Variants in SYNE2 observed in about 807,000 individuals in gnomAD.
SYNE2 encodes spectrin repeat containing nuclear envelope protein 2, also known as nesprin-2.
In SYNE2, 431 loss-of-function variants were observed where a neutral mutation model predicts 856.3. That is an observed-to-expected ratio of 0.50 (90% confidence interval 0.47 to 0.55). SYNE2 has a LOEUF of 0.55. Ranked by LOEUF, SYNE2 falls within the 20% of genes least tolerant of loss-of-function variation. SYNE2 has a pLI of 0.00. For synonymous variants in SYNE2, 2,923 were observed against 2,872.3 expected, an observed-to-expected ratio of 1.02 and a Z score of -0.56; for missense variants, 8,129 against 8,023.2, an observed-to-expected ratio of 1.01 and a Z score of -0.50.
chr14:63,855,007 A>T (rs920686370), intron 1 of SYNE2, among the ~76,000 whole-genome samples: 3 of 152,216 alleles, frequency 2.0e-5, no homozygotes, highest in African/African-American at 4.8e-5. Flanking sequence ...AAAGTTATTT[A>T]TTCATTTACT....
intron 14 of SYNE2, among the ~76,000 whole-genome samples, chr14:63,979,720 C>T (rs1357721215): frequency 3.3e-5 from 5 of 152,074 alleles, no homozygotes; most frequent in Admixed American, 1.3e-4. Flanking sequence ...CGAGACATGG[C>T]GAAACCCTGT....
chr14:63,884,683 C>T (rs932772783), intron 1 of SYNE2, among the ~76,000 whole-genome samples: 13 of 152,020 alleles, frequency 8.6e-5, no homozygotes, highest in African/African-American at 1.7e-4. Flanking sequence ...AGGAGAGCTT[C>T]GATTCTTTGG....
chr14:63,800,052 AAAAC>A (rs368985029), intron 1 of SYNE2, among the ~76,000 whole-genome samples: 44 of 152,272 alleles, frequency 2.9e-4, no homozygotes, highest in African/African-American at 7.5e-4. Flanking sequence ...CTCTAGTTAA[AAAAC>A]AAACAAACAA....
At chr14:63,835,722 GC>G (rs918438867) in intron 1 of SYNE2, among the ~76,000 whole-genome samples, 1 of 151,900 alleles carries the variant, frequency 6.6e-6, no homozygotes, top group African/African-American at 2.4e-5. Context: ...GGTGGCTAAC[GC>G]CTGTAATCCC....
chr14:63,926,167 C>T (rs962084971), intron 2 of SYNE2, among the ~76,000 whole-genome samples: 5 of 151,862 alleles, frequency 3.3e-5, no homozygotes, highest in African/African-American at 1.2e-4. Flanking sequence ...ATTTTTGTCA[C>T]CCCAAAAAGA....
intron 106 of SYNE2, among the ~76,000 whole-genome samples, chr14:64,214,705 G>A (rs575840473): frequency 6.6e-6 from 1 of 152,230 alleles, no homozygotes; most frequent in East Asian, 1.9e-4. Context: ...AGACACTAAG[G>A]TTACTCAGTG....
chr14:63,777,701 C>A (rs1887160795), intron 1 of SYNE2, among the ~76,000 whole-genome samples: 1 of 152,154 alleles, frequency 6.6e-6, no homozygotes, highest in Non-Finnish European at 1.5e-5. Context: ...CAGGGTCTCG[C>A]TCTGTCACCC....
intron 11 of SYNE2, 47 bp from the exon 12 acceptor site, chr14:63,976,516 A>T: frequency 6.3e-7 from 1 of 1,589,098 alleles, no homozygotes; most frequent in South Asian, 1.1e-5. Flanking sequence ...AATAAACTAG[A>T]AAAGTTCTAC....
chr14:64,215,562 C>T, intron 107 of SYNE2: 1 of 631,648 alleles, frequency 1.6e-6, no homozygotes, highest in Non-Finnish European at 2.8e-6. Context: ...CGTCTCGATG[C>T]CAACCCCCTC....
At position 63,825,901 on chromosome 14, in the gene SYNE2, T is replaced by A. The variant is rs369824274; in HGVS notation, c.-304-26600T>A. On this transcript the variant is annotated intron_variant, in intron 1 of 23. Transcript: ENST00000674003. ...AAAAAGAGAAAGAAATGTAAAGACCTAAGTAAATGAAAAGATAGCCCATAC... is the reference window on the plus strand; with the variant it reads ...AAAAAGAGAAAGAAATGTAAAGACCAAAGTAAATGAAAAGATAGCCCATAC... 1.1e-4 allele frequency among the ~76,000 whole-genome samples: 17 copies of A among 152,116 alleles called. 1 individual carries two copies. The South Asian group carries it at 3.5e-3, about 32-fold the overall frequency.
chr14:63,888,157 G>C (rs968215420), intron 1 of SYNE2, among the ~76,000 whole-genome samples: 1 of 152,174 alleles, frequency 6.6e-6, no homozygotes, highest in Non-Finnish European at 1.5e-5. Context: ...TAGGGACCAA[G>C]TATGTTCAGT....
At chr14:64,190,571 A>G (rs1163087247) in intron 99 of SYNE2, 1 of 700,756 alleles carries the variant, frequency 1.4e-6, no homozygotes, top group African/African-American at 1.7e-5. Context: ...GTGTCCCCAC[A>G]GTGGAGCCAT....
At chr14:64,165,054 A>T (rs2098365197) in intron 89 of SYNE2, among the ~76,000 whole-genome samples, 1 of 151,614 alleles carries the variant, frequency 6.6e-6, no homozygotes, top group African/African-American at 2.4e-5. Flanking sequence ...TGCCCAGCTA[A>T]TTTTTTATTT....
rs561896686 is a variant in SYNE2 at position 63,945,882 on chromosome 14, C to T, written c.408+3739C>T. ...TTTAGCTGCTATGAGTAAAGCTGCT[C>T]AGAACGTTCTTGTATATACCTTGTA... On this transcript the variant is annotated intron_variant, in intron 6 of 115. Coordinates refer to ENST00000555002, the MANE Select transcript of SYNE2 (RefSeq NM_182914.3). Among the ~76,000 whole-genome samples, 6 of 152,288 alleles carry T rather than the reference C, an allele frequency of 3.9e-5. No homozygotes were observed. The South Asian group carries it at 1.2e-3, about 32-fold the overall frequency.
Position 64,127,327 on chromosome 14 carries a change from C to T in SYNE2, c.13917+520C>T, listed in dbSNP as rs188719662. Among the ~76,000 whole-genome samples the T allele has an allele frequency of 2.7e-4, 41 of 152,064 alleles. 1 individual carries two copies. In the East Asian group the frequency reaches 5.0e-3, roughly 19 times the overall value. ...TAGTAGCTCATGCCTGTAATCCCAG[C>T]ACTTTGGGAGGCCTAGGTAGGTGGA... On this transcript the variant is annotated intron_variant, in intron 73 of 115. Coordinates refer to ENST00000555002, the MANE Select transcript of SYNE2 (RefSeq NM_182914.3).
At chr14:64,121,167 A>C (rs1421848810) in intron 68 of SYNE2, 106 bp downstream of exon 68, 3 of 1,506,618 alleles carry the variant, frequency 2.0e-6, no homozygotes, top group Non-Finnish European at 2.8e-6. Context: ...AGGTGGGAGG[A>C]TCACCTGTGG....
At chr14:64,126,275 T>TAGGA in intron 71 of SYNE2, 52 bp from the exon 72 acceptor site, 1 of 1,535,996 alleles carries the variant, frequency 6.5e-7, no homozygotes, top group South Asian at 1.1e-5. Context: ...AATATAGGTC[T>TAGGA]AGGAAGGCAA....
chr14:63,924,832 GTGTTTTTTTTTTT>G (rs1341586239), intron 2 of SYNE2, among the ~76,000 whole-genome samples: 11,179 of 92,898 alleles, frequency 0.12, 1,103 homozygotes, highest in Middle Eastern at 0.25. Context: ...TCCAGCCTTG[GTGTTTTTTTTTTT>G]TTTTTTTTTT....
In SYNE2 at chr14:63,967,806, A is replaced by C. The variant is rs1317327485; in HGVS notation, c.1088A>C (p.His363Pro). The C allele has an allele frequency of 6.8e-6, 11 of 1,614,060 alleles. No individual in the cohort carries two copies. The part of the protein sequence containing the change: ...KRDLDELDKD[H>P]LQLREAWDGL... ...GATCTGGATGAGCTGGACAAGGATC[A>C]TTTACAGTTGAGAGAAGCCTGGGAT... Residue 363 changes from histidine (H) to proline (P), a missense_variant, in exon 11 of 116, where the codon CAT becomes CCT. Transcript: ENST00000555002.
Sources: allele counts gnomAD v4.1 joint callset (sites outside exome capture counted in the v4.1 genomes callset), GRCh38; gene constraint gnomAD v4.1.1; transcripts MANE v1.5; gene names NCBI Gene and HGNC (gene_info 2026-07-23, HGNC 2026-07-21).